The following DENND11 variants were observed in gnomAD, a reference collection of about 807,000 sequenced individuals.
The protein encoded by DENND11 is DENN domain-containing protein 11.
A neutral mutation model predicts 49.2 loss-of-function variants in DENND11; 34 were observed. The ratio of observed to expected loss-of-function variants is 0.69; its 90% CI spans 0.53 to 0.92. DENND11 has a LOEUF of 0.92. Ranked by LOEUF, DENND11 falls within the 40% of genes least tolerant of loss-of-function variation. The pLI is 0.00. For synonymous variants in DENND11, 238 were observed against 230.3 expected (o/e 1.03, Z -0.30); for missense variants, 475 against 581.6 (o/e 0.82, Z 1.88).
intron 2 of DENND11, 130 bp from the exon 3 acceptor site, chr7:141,685,766 C>T: frequency 2.0e-6 from 2 of 985,066 alleles, no homozygotes; most frequent in Non-Finnish European, 3.0e-6. Flanking sequence ...AACAAGCGGG[C>T]CAAGCCACAT....
rs1381267339 is a variant in DENND11, at chr7:141,665,336, G to C, written c.821-18C>G. 8 of 1,613,648 alleles carry C rather than the reference G, an allele frequency of 5.0e-6. No homozygotes were observed. Among genetic ancestry groups the C allele is most frequent in the Admixed American group, 3.3e-5 (2 of 60,002 alleles). On this transcript the variant is annotated intron_variant, in intron 5 of 8. Transcript: ENST00000536163. ...GCAGTACACTGTGGGGATAGAGGAG[G>C]TGAGCGGGGAGGGTCTGCCCCTCCA...
intron 1 of DENND11, among the ~76,000 whole-genome samples, chr7:141,697,619 A>C (rs1289023613): frequency 6.6e-6 from 1 of 152,102 alleles, no homozygotes; most frequent in Non-Finnish European, 1.5e-5. Flanking sequence ...CTACTTTGTC[A>C]CTTTCCCACC....
intron 1 of DENND11, 46 bp from the exon 2 acceptor site, chr7:141,686,704 A>G: frequency 1.5e-6 from 2 of 1,369,898 alleles, no homozygotes; most frequent in Non-Finnish European, 2.1e-6. Context: ...ACATCATTCA[A>G]AGAAAATGGG....
chr7:141,681,286 C>T (rs191451265), intron 3 of DENND11, among the ~76,000 whole-genome samples: 41 of 152,228 alleles, frequency 2.7e-4, no homozygotes, highest in Non-Finnish European at 5.1e-4. Flanking sequence ...CAAGGAAAAA[C>T]GGAATAAAAT....
chr7:141,690,275 T>C (rs762418407), intron 1 of DENND11, among the ~76,000 whole-genome samples: 5 of 152,176 alleles, frequency 3.3e-5, no homozygotes, highest in Admixed American at 6.5e-5. Flanking sequence ...TTTAGTTCCA[T>C]AATAAAGGGC....
intron 3 of DENND11, among the ~76,000 whole-genome samples, chr7:141,681,966 A>G (rs1188095834): frequency 6.6e-6 from 1 of 152,210 alleles, no homozygotes. Context: ...TGACTCTGCA[A>G]TTCTTGCTCA....
At chr7:141,680,740 T>C (rs1397828182) in intron 3 of DENND11, among the ~76,000 whole-genome samples, 1 of 151,648 alleles carries the variant, frequency 6.6e-6, no homozygotes, top group East Asian at 2.0e-4. Context: ...AAAATGACAA[T>C]GTAATGGGGA....
chr7:141,684,454 T>C (rs1798198421), intron 3 of DENND11, among the ~76,000 whole-genome samples: 2 of 152,242 alleles, frequency 1.3e-5, no homozygotes, highest in East Asian at 3.8e-4. Flanking sequence ...ATATTAATCC[T>C]ATTTTTGTAA....
At position 141,677,477 on chromosome 7, in the gene DENND11, ATATATT is replaced by A. The variant is rs1292535125; in HGVS notation, c.528-3263_528-3258del. Among the ~76,000 whole-genome samples the A allele has an allele frequency of 1.4e-4, 20 of 142,586 alleles. 1 individual carries two copies. The highest frequency in any genetic ancestry group is 3.6e-4 in the African/African-American group (14 of 38,688). 93.5% of individuals were successfully genotyped at this position (142,586 alleles called of 152,430 possible). ...TTTACATATGTGTATATATATTTAT[ATATATT>A]TATATGTGTGTGTGTGTGTGTATAT... On this transcript the variant is annotated intron_variant, in intron 3 of 8. Transcript: ENST00000536163.
chr7:141,669,482 AT>A (rs34944432), intron 4 of DENND11, among the ~76,000 whole-genome samples: 53,781 of 151,790 alleles, frequency 0.35, 11,092 homozygotes, highest in East Asian at 0.56. Context: ...TCCTGATCTC[AT>A]GATCCACCTG....
chr7:141,666,977 T>G (rs1797905793), intron 4 of DENND11, among the ~76,000 whole-genome samples: 1 of 152,106 alleles, frequency 6.6e-6, no homozygotes, highest in African/African-American at 2.4e-5. Flanking sequence ...CAGGTTGGAG[T>G]GCTGTGGCGT....
intron 1 of DENND11, among the ~76,000 whole-genome samples, chr7:141,699,633 A>G (rs1798473968): frequency 6.6e-6 from 1 of 152,120 alleles, no homozygotes; most frequent in African/African-American, 2.4e-5. Flanking sequence ...CCATCCCTGG[A>G]TAAGTAAGGA....
chr7:141,701,619 A>C, intron 1 of DENND11: 1 of 229,406 alleles, frequency 4.4e-6, no homozygotes, highest in Non-Finnish European at 8.4e-6. Flanking sequence ...AGAGGAGGGG[A>C]GGGGAGAGGA....
rs148289629 is a variant in DENND11 at position 141,664,799 on chromosome 7, G to A, written c.1103+105C>T. The stretch of plus-strand genomic sequence containing the variant: ...ATCCCAGGCAGCATGGAGACTGGGA[G>A]AAATGTGTCAGGGAAGGGGCAGAAG... On this transcript the variant is annotated intron_variant, in intron 7 of 8. Coordinates refer to ENST00000536163, the MANE Select transcript of DENND11 (RefSeq NM_001080392.2). The A allele has an allele frequency of 3.2e-3, 4,096 of 1,287,030 alleles. 20 individuals carry two copies. Among genetic ancestry groups the A allele is most frequent in the Non-Finnish European group, 3.3e-3 (3,110 of 946,420 alleles). The allele number at this position is 1,287,030 out of a possible 1,614,324, so 79.7% of individuals were successfully genotyped here. A position where few individuals can be genotyped will look rare whatever the true frequency, so the allele number is the denominator to read the frequency against.
At chr7:141,663,601 A>G (rs1797839949) in intron 8 of DENND11, 1 of 152,440 alleles carries the variant, frequency 6.6e-6, no homozygotes, top group African/African-American at 2.4e-5. Flanking sequence ...AGAAATGCCC[A>G]CATTAAGTTT....
In DENND11 at chr7:141,662,866, C is replaced by T. The variant is rs748935372; in HGVS notation, c.1173-15G>A. On this transcript the variant is annotated splice_polypyrimidine_tract_variant and intron_variant, in intron 8 of 8. Coordinates refer to ENST00000536163, the MANE Select transcript of DENND11 (RefSeq NM_001080392.2). The stretch of plus-strand genomic sequence containing the variant: ...CTAGGAAAAACCTGCATTTGGAAGA[C>T]AAGACACAGGAAAGGAAGCGGGGGG... 7 of 1,519,200 alleles carry T rather than the reference C, an allele frequency of 4.6e-6. No homozygotes were observed. In the South Asian group the frequency reaches 9.0e-5, roughly 19 times the overall value. 94.1% of individuals were successfully genotyped at this position (1,519,200 alleles called of 1,614,324 possible). A position where few individuals can be genotyped will look rare whatever the true frequency, so the allele number is the denominator to read the frequency against.
At chr7:141,666,478 G>T (rs1176853903) in intron 4 of DENND11, 53 bp from the exon 5 acceptor site, 6 of 1,474,240 alleles carry the variant, frequency 4.1e-6, no homozygotes, top group Non-Finnish European at 5.5e-6. Context: ...CAGCTTCTTA[G>T]AAATATAGCA....
rs370293105 is a variant in DENND11, at chr7:141,685,585, G to A, written c.420C>T (p.Pro140=). Residue 140 remains proline, a synonymous_variant, in exon 3 of 9, where the codon CCC becomes CCT. Transcript: ENST00000536163. The part of the protein sequence containing the change: ...FFGLACFANM[P]VESELERGAR... The stretch of plus-strand genomic sequence containing the variant: ...CGCCACGTTCCAGCTCGCTCTCCAC[G>A]GGCATGTTGGCAAAGCAGGCCAGGC... 49 of 1,613,880 alleles carry A rather than the reference G, an allele frequency of 3.0e-5. No homozygotes were observed. The Middle Eastern group carries it at 6.6e-4, about 22-fold the overall frequency.
chr7:141,699,130 A>T (rs183417579), intron 1 of DENND11, among the ~76,000 whole-genome samples: 56 of 152,254 alleles, frequency 3.7e-4, no homozygotes, highest in Admixed American at 3.5e-3. Flanking sequence ...AAAGAAGTCA[A>T]TATTCACTTT....
Sources: gnomAD v4.1 joint callset for allele counts (sites outside exome capture counted in the v4.1 genomes callset) on GRCh38, gnomAD v4.1.1 for gene constraint, MANE v1.5 for transcripts, NCBI Gene and HGNC (gene_info 2026-07-23, HGNC 2026-07-21) for gene names.